The following GALNTL6 variants were observed in gnomAD, a reference collection of about 807,000 sequenced individuals.
GALNTL6 encodes polypeptide N-acetylgalactosaminyltransferase like 6.
In GALNTL6, 46 loss-of-function variants were observed where a neutral mutation model predicts 73.7. The ratio of observed to expected loss-of-function variants is 0.62; its 90% CI spans 0.49 to 0.80. GALNTL6 has a LOEUF of 0.80. GALNTL6 is among the 30% of genes least tolerant of loss of function. GALNTL6 has a pLI of 0.00. For synonymous variants in GALNTL6, 259 were observed against 263.7 expected, an observed-to-expected ratio of 0.98 and a Z score of 0.17; for missense variants, 604 against 755.0, an observed-to-expected ratio of 0.80 and a Z score of 2.34.
chr4:172,243,077 A>AT (rs1349882654), intron 3 of GALNTL6, among the ~76,000 whole-genome samples: 2 of 152,176 alleles, frequency 1.3e-5, no homozygotes, highest in Non-Finnish European at 2.9e-5. Context: ...CACCTGACCC[A>AT]TGTCTCTGAC....
intron 10 of GALNTL6, among the ~76,000 whole-genome samples, chr4:172,983,447 C>A (rs1751160563): frequency 6.6e-6 from 1 of 152,186 alleles, no homozygotes; most frequent in South Asian, 2.1e-4. Context: ...GTAATCCCAG[C>A]ACTTTGGGAG....
At chr4:172,325,903 A>G (rs969146800) in intron 4 of GALNTL6, among the ~76,000 whole-genome samples, 8 of 151,862 alleles carry the variant, frequency 5.3e-5, no homozygotes, top group Non-Finnish European at 7.4e-5. Context: ...CTACAATAGC[A>G]GAGTTTATAT....
intron 5 of GALNTL6, among the ~76,000 whole-genome samples, chr4:172,536,216 C>T (rs1412022115): frequency 5.9e-5 from 9 of 152,194 alleles, no homozygotes; most frequent in Non-Finnish European, 1.3e-4. Context: ...ATTACCCAGT[C>T]TCTGGTATGT....
At chr4:172,145,213 C>T (rs1733897686) in intron 2 of GALNTL6, among the ~76,000 whole-genome samples, 1 of 152,050 alleles carries the variant, frequency 6.6e-6, no homozygotes, top group South Asian at 2.1e-4. Context: ...GATCTCTGCT[C>T]ACTGCAAGCT....
chr4:172,865,030 A>G lies in GALNTL6; in HGVS notation c.924-17760A>G, dbSNP rs77489363. 1.6e-3 allele frequency among the ~76,000 whole-genome samples: 245 copies of G among 152,338 alleles called. 1 individual carries two copies. The highest frequency in any genetic ancestry group is 2.7e-3 in the East Asian group (14 of 5,184). On this transcript the variant is annotated intron_variant, in intron 7 of 12. Transcript: ENST00000506823. ...GGGTTTTGTTATCTTCCTAGAAAAAAAAGAAGTTGAGAAACTATTAACCTT... is the reference window on the plus strand; with the variant it reads ...GGGTTTTGTTATCTTCCTAGAAAAAGAAGAAGTTGAGAAACTATTAACCTT...
At chr4:172,811,732 CA>C (rs1485230249) in intron 6 of GALNTL6, among the ~76,000 whole-genome samples, 2 of 152,134 alleles carry the variant, frequency 1.3e-5, no homozygotes, top group Non-Finnish European at 2.9e-5. Flanking sequence ...TGTGGCTTAC[CA>C]GGGCCATGCT....
At chr4:171,966,196 T>C (rs898671355) in intron 2 of GALNTL6, among the ~76,000 whole-genome samples, 1 of 152,180 alleles carries the variant, frequency 6.6e-6, no homozygotes, top group Non-Finnish European at 1.5e-5. Context: ...GAGAAGACAG[T>C]TTACCTTCTG....
Position 172,378,384 on chromosome 4 carries a change from G to T in GALNTL6, c.553+29695G>T, listed in dbSNP as rs935317910. 5.3e-5 allele frequency among the ~76,000 whole-genome samples: 8 copies of T among 152,080 alleles called. No individual in the cohort carries two copies. The South Asian group carries it at 1.0e-3, about 20-fold the overall frequency. On this transcript the variant is annotated intron_variant, in intron 5 of 12. Transcript: ENST00000506823. ...ATAATAACATTACCAGCATCAGAAAGGTTGCTGGGAAGGTGAAAAGATATT... is the reference window on the plus strand; with the variant it reads ...ATAATAACATTACCAGCATCAGAAATGTTGCTGGGAAGGTGAAAAGATATT...
chr4:172,213,103 T>TC (rs1227735080), intron 2 of GALNTL6, among the ~76,000 whole-genome samples: 1 of 152,070 alleles, frequency 6.6e-6, no homozygotes, highest in Non-Finnish European at 1.5e-5. Flanking sequence ...TTCATCCTTT[T>TC]TTTTTGTGGT....
chr4:172,448,623 G>A (rs1236773625), intron 5 of GALNTL6, among the ~76,000 whole-genome samples: 3 of 152,148 alleles, frequency 2.0e-5, no homozygotes, highest in Admixed American at 6.5e-5. Flanking sequence ...TCTGGGGAAC[G>A]CTAGGAAAAG....
At chr4:171,865,163 T>C (rs1735937590) in intron 2 of GALNTL6, among the ~76,000 whole-genome samples, 1 of 152,036 alleles carries the variant, frequency 6.6e-6, no homozygotes, top group African/African-American at 2.4e-5. Context: ...AAAAAAGATT[T>C]AATCTTGGAA....
chr4:171,913,698 A>G (rs1737536317), intron 2 of GALNTL6, among the ~76,000 whole-genome samples: 2 of 152,194 alleles, frequency 1.3e-5, no homozygotes, highest in Non-Finnish European at 1.5e-5. Flanking sequence ...TTCCACACAC[A>G]TATTAGCTGT....
chr4:172,069,617 A>ATGTGTTATATATATAATATATATAAC (rs1560909825), intron 2 of GALNTL6, among the ~76,000 whole-genome samples: 95 of 5,736 alleles, frequency 0.017, 25 homozygotes, highest in Non-Finnish European at 0.042. Context: ...ATATATATAT[A>ATGTGTTATATATATAATATATATAAC]ACATATATAT....
At chr4:172,779,605 GTTCTTT>G (rs1739268070) in intron 5 of GALNTL6, among the ~76,000 whole-genome samples, 1 of 152,188 alleles carries the variant, frequency 6.6e-6, no homozygotes, top group African/African-American at 2.4e-5. Context: ...AAAACCCACA[GTTCTTT>G]GTTTCCATCA....
At chr4:172,703,423 A>G (rs182470610) in intron 5 of GALNTL6, among the ~76,000 whole-genome samples, 312 of 152,108 alleles carry the variant, frequency 2.1e-3, no homozygotes, top group African/African-American at 7.4e-3. Context: ...AACTTTATCA[A>G]TGTGTTTTCT....
intron 5 of GALNTL6, among the ~76,000 whole-genome samples, chr4:172,547,428 C>T (rs1313076788): frequency 6.6e-6 from 1 of 152,102 alleles, no homozygotes; most frequent in Non-Finnish European, 1.5e-5. Flanking sequence ...ACCAACCCTT[C>T]TGCCACTCTC....
intron 7 of GALNTL6, among the ~76,000 whole-genome samples, chr4:172,858,079 T>C (rs1028484446): frequency 2.0e-5 from 3 of 152,182 alleles, no homozygotes; most frequent in Non-Finnish European, 4.4e-5. Flanking sequence ...TGAATAGTAC[T>C]CAATTTAGAT....
chr4:172,978,368 G>T (rs1750923346), intron 10 of GALNTL6, among the ~76,000 whole-genome samples: 1 of 152,214 alleles, frequency 6.6e-6, no homozygotes, highest in African/African-American at 2.4e-5. Flanking sequence ...CTCTAATGAG[G>T]ATGAGCTGCT....
chr4:172,551,378 A>G (rs1384742887), intron 5 of GALNTL6, among the ~76,000 whole-genome samples: 1 of 152,142 alleles, frequency 6.6e-6, no homozygotes, highest in Non-Finnish European at 1.5e-5. Flanking sequence ...ATTTCAGAGT[A>G]ACATAATATA....
Sources: allele counts gnomAD v4.1 joint callset (sites outside exome capture counted in the v4.1 genomes callset), GRCh38; gene constraint gnomAD v4.1.1; transcripts MANE v1.5; gene names NCBI Gene and HGNC (gene_info 2026-07-23, HGNC 2026-07-21).